The following ZBTB38 variants were observed in gnomAD, a reference collection of about 807,000 sequenced individuals.
ZBTB38 encodes the protein zinc finger and BTB domain-containing protein 38.
Under a neutral mutation model 76.8 loss-of-function variants are expected in ZBTB38, and 20 were observed. The ratio of observed to expected loss-of-function variants is 0.26; its 90% CI spans 0.18 to 0.38. The LOEUF is 0.38. Ranked by LOEUF, ZBTB38 falls within the 10% of genes least tolerant of loss-of-function variation. The pLI, the probability that ZBTB38 is intolerant of heterozygous loss-of-function variation, is 1.00. For missense variants in ZBTB38, 1,082 were observed against 1,482.3 expected, an observed-to-expected ratio of 0.73 and a Z score of 4.43; for synonymous variants, 504 against 544.2, an observed-to-expected ratio of 0.93 and a Z score of 1.03.
rs1402828621 is a variant in ZBTB38, at chr3:141,333,771, T to C, written c.-739+9315T>C. On this transcript the variant is annotated intron_variant, in intron 1 of 7. Coordinates refer to the ZBTB38 transcript ENST00000509842. ...GGTTTTGGAGCACACACTCACTGTG[T>C]AAGCACAGTAATATTGCAGTGGATA... is the stretch of plus-strand genomic sequence containing the variant. Among the ~76,000 whole-genome samples the C allele has an allele frequency of 2.0e-5, 3 of 152,166 alleles. No individual in the cohort carries two copies. The East Asian group carries it at 5.8e-4, about 29-fold the overall frequency.
chr3:141,381,672 T>C (rs1000584864), intron 3 of ZBTB38, among the ~76,000 whole-genome samples, 185 bp downstream of exon 3: 1 of 152,300 alleles, frequency 6.6e-6, no homozygotes, highest in Non-Finnish European at 1.5e-5. Flanking sequence ...CCAGGTAGGG[T>C]GGAGCTGGTG....
chr3:141,370,315 G>A (rs535461761), intron 2 of ZBTB38, among the ~76,000 whole-genome samples: 1 of 152,316 alleles, frequency 6.6e-6, no homozygotes, highest in South Asian at 2.1e-4. Context: ...ATGAAAAAGT[G>A]CACATGGGAG....
chr3:141,375,502 T>C (rs946155003), intron 2 of ZBTB38, among the ~76,000 whole-genome samples: 1 of 152,246 alleles, frequency 6.6e-6, no homozygotes, highest in Non-Finnish European at 1.5e-5. Context: ...CGTGCCCATC[T>C]TGGTCACCTA....
rs370060002 is a variant in ZBTB38, at chr3:141,443,378, C to T, written c.990C>T (p.Pro330=). The change falls in exon 6 of 6, where the codon CCC becomes CCT. Residue 330 remains proline (P), a synonymous_variant. Coordinates refer to ENST00000321464, the MANE Select transcript of ZBTB38 (RefSeq NM_001376113.1). The surrounding 1 kb of genome is among the most constrained non-coding windows in gnomAD (Gnocchi z 5.6). ...ATGAAAATCAATCTTCTGATGTTCC[C>T]GGGCCGCCAGCCGCAGAGGTTCCAC... The part of the protein sequence containing the change: ...REDENQSSDV[P]GPPAAEVPPL... 1.8e-5 allele frequency: 29 copies of T among 1,614,070 alleles called. No homozygotes were observed. Among genetic ancestry groups the T allele is most frequent in the African/African-American group, 4.0e-5 (3 of 74,920 alleles).
At position 141,359,728 on chromosome 3, in the gene ZBTB38, C is replaced by T. The variant is rs534107587; in HGVS notation, c.-738-8893C>T. 5.9e-5 allele frequency among the ~76,000 whole-genome samples: 9 copies of T among 151,962 alleles called. No individual in the cohort carries two copies. The East Asian group carries it at 7.7e-4, about 13-fold the overall frequency. On this transcript the variant is annotated intron_variant, in intron 1 of 7. Transcript: ENST00000509842. ...GGAGGATCACTTGAGCCCAGGAGTT[C>T]GAGACTGGCCTGGACAACACAGCAA...
intron 5 of ZBTB38, among the ~76,000 whole-genome samples, chr3:141,419,567 CAT>C (rs2074883124): frequency 6.6e-6 from 1 of 152,198 alleles, no homozygotes. Context: ...TTTCCAGTGA[CAT>C]GTGATGTGGT....
chr3:141,343,793 A>G (rs75635623), intron 1 of ZBTB38, among the ~76,000 whole-genome samples: 3,542 of 152,280 alleles, frequency 0.023, 52 homozygotes, highest in Non-Finnish European at 0.035. Context: ...ACATCATATC[A>G]TCTTGAGACA....
intron 1 of ZBTB38, among the ~76,000 whole-genome samples, chr3:141,342,249 C>T (rs1016369449): frequency 1.3e-5 from 2 of 151,994 alleles, no homozygotes; most frequent in African/African-American, 2.4e-5. Context: ...CGCTTGAACC[C>T]GGGAGGCAGA....
At chr3:141,361,892 G>A (rs1004325932) in intron 1 of ZBTB38, among the ~76,000 whole-genome samples, 1 of 152,154 alleles carries the variant, frequency 6.6e-6, no homozygotes, top group African/African-American at 2.4e-5. Context: ...CTCAGCGAAA[G>A]TGAGGGATCT....
intron 4 of ZBTB38, chr3:141,402,411 C>G (rs1952400101): frequency 6.6e-6 from 1 of 151,492 alleles, no homozygotes; most frequent in African/African-American, 2.4e-5. Context: ...CACCATGGAC[C>G]CCCGGGGAAA....
chr3:141,415,236 T>C (rs1203806329), intron 5 of ZBTB38, among the ~76,000 whole-genome samples: 1 of 152,204 alleles, frequency 6.6e-6, no homozygotes, highest in Admixed American at 6.5e-5. Context: ...CCTGTTTACG[T>C]CACCCATTTT....
chr3:141,425,153 T>C (rs2076155470), intron 5 of ZBTB38, among the ~76,000 whole-genome samples: 1 of 152,198 alleles, frequency 6.6e-6, no homozygotes, highest in Non-Finnish European at 1.5e-5. Flanking sequence ...AGACTGGACA[T>C]GGTGTGCCTT....
At chr3:141,415,808 T>C (rs551347657) in intron 5 of ZBTB38, among the ~76,000 whole-genome samples, 1 of 150,992 alleles carries the variant, frequency 6.6e-6, no homozygotes, top group South Asian at 2.1e-4. Context: ...TGGTTGTGAC[T>C]TTAATCTTAT....
At chr3:141,431,460 C>A (rs1386350255) in intron 5 of ZBTB38, among the ~76,000 whole-genome samples, 1 of 151,318 alleles carries the variant, frequency 6.6e-6, no homozygotes, top group East Asian at 1.9e-4. Context: ...TGCCAGATTT[C>A]TTAAGCAAGC....
chr3:141,433,383 C>T lies in ZBTB38; in HGVS notation c.1-9006C>T, dbSNP rs1033818349. The stretch of plus-strand genomic sequence containing the variant: ...GTTCTCAAACTTTTTGGTCCCTAGA[C>T]TCCCTTACACTCTTACAGTCATTGG... On this transcript the variant is annotated intron_variant, in intron 5 of 5. Transcript: ENST00000321464. Among the ~76,000 whole-genome samples, 33 of 151,326 alleles carry T rather than the reference C, an allele frequency of 2.2e-4. No homozygotes were observed. In the Middle Eastern group the frequency reaches 0.01, roughly 47 times the overall value.
chr3:141,394,793 G>A (rs1333224774), intron 4 of ZBTB38, among the ~76,000 whole-genome samples: 1 of 152,174 alleles, frequency 6.6e-6, no homozygotes, highest in Non-Finnish European at 1.5e-5. Flanking sequence ...TTCCTGCTAA[G>A]CTCTTATGGG....
intron 5 of ZBTB38, among the ~76,000 whole-genome samples, chr3:141,436,066 T>C (rs924772941): frequency 1.3e-5 from 2 of 152,244 alleles, no homozygotes; most frequent in African/African-American, 2.4e-5. Flanking sequence ...CTGAAATCTA[T>C]TGGGGGCTTT....
At chr3:141,417,110 G>A (rs1322490232) in intron 5 of ZBTB38, among the ~76,000 whole-genome samples, 2 of 152,208 alleles carry the variant, frequency 1.3e-5, no homozygotes, top group African/African-American at 4.8e-5. Flanking sequence ...GGAGTGGCAC[G>A]AAGAAATGAA....
intron 1 of ZBTB38, among the ~76,000 whole-genome samples, chr3:141,339,796 G>C (rs1020137852): frequency 3.3e-5 from 5 of 152,152 alleles, no homozygotes; most frequent in African/African-American, 1.2e-4. Context: ...TGTTAGACCT[G>C]CAGATAGAAG....
Sources: allele counts gnomAD v4.1 joint callset (sites outside exome capture counted in the v4.1 genomes callset), GRCh38; gene constraint gnomAD v4.1.1; non-coding constraint Gnocchi (gnomAD v3.1); transcripts MANE v1.5; gene names NCBI Gene and HGNC (gene_info 2026-07-23, HGNC 2026-07-21).